Variants in KCNG3 observed in about 807,000 individuals in gnomAD.
The protein encoded by KCNG3 is voltage-gated potassium channel regulatory subunit KCNG3.
Under a neutral mutation model 29.0 loss-of-function variants are expected in KCNG3, and 15 were observed. The ratio of observed to expected loss-of-function variants is 0.52; its 90% CI spans 0.35 to 0.80. The LOEUF (loss-of-function observed/expected upper bound fraction) is 0.80. Ranked by LOEUF, KCNG3 falls within the 30% of genes least tolerant of loss-of-function variation. The pLI is 0.01. For synonymous variants in KCNG3, 322 were observed against 248.9 expected (o/e 1.29, Z -2.76); for missense variants, 512 against 605.7 (o/e 0.85, Z 1.62).
At chr2:42,394,309 G>A in the KCNG3 span, among the ~76,000 whole-genome samples, 5 of 152,096 alleles carry the variant, frequency 3.3e-5, no homozygotes, top group Non-Finnish European at 7.4e-5. Flanking sequence ...ACAGTCTGCC[G>A]ACACCACGGC....
At chr2:42,459,339 T>G (rs1264021654) in intron 1 of KCNG3, among the ~76,000 whole-genome samples, 1 of 152,166 alleles carries the variant, frequency 6.6e-6, no homozygotes, top group African/African-American at 2.4e-5. Flanking sequence ...CCCTCATGTC[T>G]TATTTTGAAA....
At chr2:42,465,857 A>G (rs1379176777) in intron 1 of KCNG3, among the ~76,000 whole-genome samples, 6 of 152,242 alleles carry the variant, frequency 3.9e-5, no homozygotes, top group Admixed American at 2.0e-4. Flanking sequence ...TAAAAAGCCA[A>G]TAAGCTAATG....
chr2:42,402,835 T>C, the KCNG3 span, among the ~76,000 whole-genome samples: 3 of 152,230 alleles, frequency 2.0e-5, no homozygotes, highest in Non-Finnish European at 1.5e-5. Context: ...GTACTAATTC[T>C]TCCTTTTCAG....
chr2:42,452,677 A>G (rs1672789682), intron 1 of KCNG3, among the ~76,000 whole-genome samples: 1 of 152,116 alleles, frequency 6.6e-6, no homozygotes, highest in African/African-American at 2.4e-5. Flanking sequence ...CTCCAGTTCC[A>G]TGTTGTTGCA....
chr2:42,477,418 C>CACACACACAG (rs1558386650), intron 1 of KCNG3, among the ~76,000 whole-genome samples: 3 of 49,280 alleles, frequency 6.1e-5, no homozygotes, highest in African/African-American at 1.5e-4. Flanking sequence ...CACACACACA[C>CACACACACAG]ACACATATAT....
At chr2:42,481,306 C>A (rs562948134) in intron 1 of KCNG3, among the ~76,000 whole-genome samples, 8 of 152,248 alleles carry the variant, frequency 5.3e-5, no homozygotes, top group South Asian at 2.1e-4. Context: ...GACACCACAG[C>A]CTGGATCAAC....
At chr2:42,406,224 A>ATT in the KCNG3 span, among the ~76,000 whole-genome samples, 3 of 145,718 alleles carry the variant, frequency 2.1e-5, no homozygotes, top group African/African-American at 5.0e-5. Context: ...TAACACATTA[A>ATT]TTTTTTTTTT....
intron 1 of KCNG3, among the ~76,000 whole-genome samples, chr2:42,481,366 C>T (rs1035601273): frequency 3.3e-5 from 5 of 152,152 alleles, no homozygotes; most frequent in African/African-American, 1.2e-4. Flanking sequence ...CTTGACCATC[C>T]AGGAGAAACC....
the KCNG3 span, among the ~76,000 whole-genome samples, chr2:42,432,293 A>G: frequency 6.6e-6 from 1 of 152,234 alleles, no homozygotes; most frequent in African/African-American, 2.4e-5. Flanking sequence ...CTGAAGGTTA[A>G]TTAACCATCA....
chr2:42,461,182 C>CAAAAAAAAAAAAAAAAAAAAAA (rs34199989), intron 1 of KCNG3, among the ~76,000 whole-genome samples: 23 of 56,398 alleles, frequency 4.1e-4, no homozygotes, highest in East Asian at 7.1e-4. Flanking sequence ...CAAAACAAAA[C>CAAAAAAAAAAAAAAAAAAAAAA]AAAAAAAAAA....
chr2:42,399,028 CTTTTTTTCTTTTCTT>C, the KCNG3 span, among the ~76,000 whole-genome samples: 16 of 142,990 alleles, frequency 1.1e-4, no homozygotes, highest in South Asian at 7.1e-4. Context: ...TTGGGTTGTT[CTTTTTTTCTTTTCTT>C]TTTTTTTCTT....
the KCNG3 span, among the ~76,000 whole-genome samples, chr2:42,403,114 A>C: frequency 1.3e-5 from 2 of 152,126 alleles, no homozygotes. Context: ...TGTCTTGTTA[A>C]TGTGAATGGT....
chr2:42,453,039 C>T (rs948790693), intron 1 of KCNG3, among the ~76,000 whole-genome samples: 1 of 152,234 alleles, frequency 6.6e-6, no homozygotes, highest in African/African-American at 2.4e-5. Context: ...GCCTCAGCCT[C>T]CCAAAGTGCT....
chr2:42,482,931 G>A (rs1464934785), intron 1 of KCNG3, among the ~76,000 whole-genome samples: 1 of 152,020 alleles, frequency 6.6e-6, no homozygotes, highest in Non-Finnish European at 1.5e-5. Flanking sequence ...GACCAGCCCG[G>A]ACAATATAGC....
At chr2:42,409,476 T>C in the KCNG3 span, among the ~76,000 whole-genome samples, 1 of 151,620 alleles carries the variant, frequency 6.6e-6, no homozygotes, top group African/African-American at 2.4e-5. Flanking sequence ...GGCTGAGGCA[T>C]GAGGATTGCT....
chr2:42,402,516 T>C, the KCNG3 span, among the ~76,000 whole-genome samples: 1 of 152,206 alleles, frequency 6.6e-6, no homozygotes, highest in African/African-American at 2.4e-5. Flanking sequence ...TGAGAACCCA[T>C]CTCTAAAAAT....
chr2:42,487,490 T>C (rs1673754492), intron 1 of KCNG3, among the ~76,000 whole-genome samples: 1 of 151,918 alleles, frequency 6.6e-6, no homozygotes, highest in African/African-American at 2.4e-5. Flanking sequence ...AAGGTATAAA[T>C]ATCTCATTTT....
At chr2:42,406,821 CT>C in the KCNG3 span, among the ~76,000 whole-genome samples, 170 of 60,708 alleles carry the variant, frequency 2.8e-3, no homozygotes, top group South Asian at 7.0e-3. Context: ...GGTGAGACTC[CT>C]TCTCAAAAAA....
At chr2:42,411,894 G>C in the KCNG3 span, among the ~76,000 whole-genome samples, 2 of 152,176 alleles carry the variant, frequency 1.3e-5, no homozygotes, top group Non-Finnish European at 2.9e-5. Flanking sequence ...TGAAATACAA[G>C]GGCTGAAAGG....
Sources: allele counts gnomAD v4.1 joint callset (sites outside exome capture counted in the v4.1 genomes callset), GRCh38; gene constraint gnomAD v4.1.1; transcripts MANE v1.5; gene names NCBI Gene and HGNC (gene_info 2026-07-23, HGNC 2026-07-21).